The following PPM1H variants were observed in gnomAD, a reference collection of about 807,000 sequenced individuals.
The protein encoded by PPM1H is protein phosphatase 1H.
PPM1H carries 27 observed loss-of-function variants against 54.9 expected under a neutral mutation model. The observed-to-expected ratio is 0.49, with a 90% CI of 0.36 to 0.68. The LOEUF (loss-of-function observed/expected upper bound fraction) is 0.68. PPM1H is among the 30% of genes least tolerant of loss of function. The pLI is 0.00. For missense variants in PPM1H, 596 were observed against 667.8 expected, an observed-to-expected ratio of 0.89 and a Z score of 1.19; for synonymous variants, 305 against 270.8, an observed-to-expected ratio of 1.13 and a Z score of -1.24.
chr12:62,785,461 A>G (rs190401011), intron 4 of PPM1H, among the ~76,000 whole-genome samples: 275 of 152,326 alleles, frequency 1.8e-3, no homozygotes, highest in East Asian at 0.013. Flanking sequence ...ATAGGCGTGA[A>G]CCACCACGCC....
At chr12:62,813,295 C>T (rs944600285) in intron 2 of PPM1H, among the ~76,000 whole-genome samples, 2 of 152,166 alleles carry the variant, frequency 1.3e-5, no homozygotes, top group African/African-American at 4.8e-5. Context: ...CCTCTTTATC[C>T]CTCTTCCCCT....
chr12:62,731,556 C>T (rs1234431724), intron 5 of PPM1H, among the ~76,000 whole-genome samples: 1 of 152,180 alleles, frequency 6.6e-6, no homozygotes, highest in Non-Finnish European at 1.5e-5. Context: ...AGCAGACAAA[C>T]AGAACCCGGC....
At chr12:62,903,061 G>T (rs974191057) in intron 1 of PPM1H, among the ~76,000 whole-genome samples, 2 of 151,956 alleles carry the variant, frequency 1.3e-5, no homozygotes, top group African/African-American at 4.8e-5. Flanking sequence ...GCCCAATATG[G>T]ACAACTCACT....
chr12:62,815,423 A>T (rs2076860764), intron 2 of PPM1H, among the ~76,000 whole-genome samples: 1 of 152,246 alleles, frequency 6.6e-6, no homozygotes, highest in Non-Finnish European at 1.5e-5. Context: ...ACATTAATTT[A>T]TAAAAGGAAG....
At chr12:62,695,795 T>G (rs535294724) in intron 6 of PPM1H, among the ~76,000 whole-genome samples, 1 of 152,240 alleles carries the variant, frequency 6.6e-6, no homozygotes, top group South Asian at 2.1e-4. Context: ...AGCTTGACCC[T>G]TAAGACAACA....
intron 1 of PPM1H, among the ~76,000 whole-genome samples, chr12:62,922,030 A>G (rs1871816075): frequency 6.6e-6 from 1 of 152,242 alleles, no homozygotes; most frequent in Admixed American, 6.5e-5. Context: ...TTTTTAAGAC[A>G]TACAGGCTTT....
intron 1 of PPM1H, among the ~76,000 whole-genome samples, chr12:62,885,717 A>T (rs1870563993): frequency 6.6e-6 from 1 of 152,214 alleles, no homozygotes; most frequent in Non-Finnish European, 1.5e-5. Context: ...ACAACTGTGG[A>T]AACAGGAAAA....
At chr12:62,921,774 C>T (rs535561094) in intron 1 of PPM1H, among the ~76,000 whole-genome samples, 24 of 152,222 alleles carry the variant, frequency 1.6e-4, no homozygotes, top group East Asian at 1.2e-3. Flanking sequence ...CACAGTGAGA[C>T]GCCATCTCTA....
intron 1 of PPM1H, among the ~76,000 whole-genome samples, chr12:62,845,103 C>T (rs1056250297): frequency 6.6e-6 from 1 of 152,204 alleles, no homozygotes; most frequent in Non-Finnish European, 1.5e-5. Flanking sequence ...CCCTGGAGGG[C>T]CAGGATGGCT....
At chr12:62,707,202 T>C (rs1224639981) in intron 6 of PPM1H, among the ~76,000 whole-genome samples, 1 of 152,236 alleles carries the variant, frequency 6.6e-6, no homozygotes, top group Non-Finnish European at 1.5e-5. Context: ...GTATTTATAC[T>C]ATGTGTGAAG....
intron 1 of PPM1H, among the ~76,000 whole-genome samples, chr12:62,884,879 G>C (rs1282530066): frequency 1.3e-5 from 2 of 152,168 alleles, no homozygotes; most frequent in Non-Finnish European, 2.9e-5. Context: ...CATCCTGGCT[G>C]CTGGCAGAAC....
chr12:62,682,186 T>A (rs1280277855), intron 8 of PPM1H, among the ~76,000 whole-genome samples: 1 of 152,238 alleles, frequency 6.6e-6, no homozygotes, highest in African/African-American at 2.4e-5. Context: ...CTGTTACCAT[T>A]TTTTAAAACT....
chr12:62,887,215 G>A (rs922017718), intron 1 of PPM1H, among the ~76,000 whole-genome samples: 5 of 152,168 alleles, frequency 3.3e-5, no homozygotes, highest in African/African-American at 9.7e-5. Flanking sequence ...GGTAGTACAG[G>A]GTAAGAGAAG....
At chr12:62,882,352 C>A (rs1870428018) in intron 1 of PPM1H, among the ~76,000 whole-genome samples, 1 of 152,254 alleles carries the variant, frequency 6.6e-6, no homozygotes, top group African/African-American at 2.4e-5. Flanking sequence ...AGAGGTATAA[C>A]AGGTGCTAGA....
At chr12:62,659,728 T>C (rs909833810) in intron 9 of PPM1H, among the ~76,000 whole-genome samples, 2 of 152,228 alleles carry the variant, frequency 1.3e-5, no homozygotes, top group East Asian at 1.9e-4. Flanking sequence ...CTTTTTGTCC[T>C]GCTTCCTTTC....
chr12:62,683,066 A>ATTG (rs1444817256), intron 8 of PPM1H, among the ~76,000 whole-genome samples: 4 of 142,112 alleles, frequency 2.8e-5, no homozygotes, highest in Non-Finnish European at 6.1e-5. Flanking sequence ...TATTATTATT[A>ATTG]TTATTATTAT....
chr12:62,658,355 T>C (rs989416461), intron 9 of PPM1H, among the ~76,000 whole-genome samples: 8 of 152,134 alleles, frequency 5.3e-5, no homozygotes, highest in Non-Finnish European at 1.0e-4. Context: ...TAGTTCCTCT[T>C]GGCTTTGCCC....
At chr12:62,854,527 C>T (rs926920007) in intron 1 of PPM1H, among the ~76,000 whole-genome samples, 1 of 152,090 alleles carries the variant, frequency 6.6e-6, no homozygotes. Flanking sequence ...AGTTTCTCCA[C>T]CTAAAAATGA....
intron 3 of PPM1H, among the ~76,000 whole-genome samples, chr12:62,797,873 T>A (rs564782475): frequency 4.4e-4 from 67 of 152,288 alleles, no homozygotes; most frequent in Non-Finnish European, 6.2e-4. Flanking sequence ...AGAAGACTTA[T>A]CATTCCAAAG....
Sources: gnomAD v4.1 joint callset for allele counts (sites outside exome capture counted in the v4.1 genomes callset) on GRCh38, gnomAD v4.1.1 for gene constraint, MANE v1.5 for transcripts, NCBI Gene and HGNC (gene_info 2026-07-23, HGNC 2026-07-21) for gene names.